The following PRKCZ variants were observed in gnomAD, a reference collection of about 807,000 sequenced individuals.
The protein encoded by PRKCZ is protein kinase C zeta type.
In PRKCZ, 33 loss-of-function variants were observed where a neutral mutation model predicts 79.5. The ratio of observed to expected loss-of-function variants is 0.41; its 90% CI spans 0.31 to 0.55. PRKCZ has a LOEUF of 0.55. Ranked by LOEUF, PRKCZ falls within the 20% of genes least tolerant of loss-of-function variation. PRKCZ has a pLI of 0.19. For missense variants in PRKCZ, 578 were observed against 813.5 expected (o/e 0.71, Z 3.52); for synonymous variants, 342 against 320.9 (o/e 1.07, Z -0.70).
At chr1:2,088,351 A>T (rs1406225612) in intron 4 of PRKCZ, among the ~76,000 whole-genome samples, 1 of 151,988 alleles carries the variant, frequency 6.6e-6, no homozygotes, top group African/African-American at 2.4e-5. Context: ...CTGCAGTCTC[A>T]GCTCGGAGGC....
At chr1:2,142,948 T>C (rs1677683143) in intron 5 of PRKCZ, 1 of 152,160 alleles carries the variant, frequency 6.6e-6, no homozygotes, top group African/African-American at 2.4e-5. Context: ...GTGAACTCAG[T>C]GCTGTATTTT....
At chr1:2,105,566 AT>A (rs1668248188) in intron 4 of PRKCZ, among the ~76,000 whole-genome samples, 1 of 151,946 alleles carries the variant, frequency 6.6e-6, no homozygotes, top group South Asian at 2.1e-4. Context: ...TGCGCAGCTA[AT>A]TTTTGTATTT....
chr1:2,059,415 G>T, intron 3 of PRKCZ, 126 bp from the exon 4 acceptor site: 3 of 1,135,772 alleles, frequency 2.6e-6, no homozygotes, highest in Non-Finnish European at 3.9e-6. Context: ...GGCTCTCATT[G>T]GCAGTGCCAC....
chr1:2,125,849 C>T lies in PRKCZ; in HGVS notation c.335-9413C>T, dbSNP rs919693388. 5.3e-5 allele frequency among the ~76,000 whole-genome samples: 8 copies of T among 152,212 alleles called. No homozygotes were observed. Among genetic ancestry groups the T allele is most frequent in the Non-Finnish European group, 8.8e-5 (6 of 68,022 alleles). On this transcript the variant is annotated intron_variant, in intron 4 of 17. Coordinates refer to ENST00000378567, the MANE Select transcript of PRKCZ (RefSeq NM_002744.6). The surrounding 1 kb of genome is among the most constrained non-coding windows in gnomAD (Gnocchi z 4.2). ...CTCCTCACGTCCATGCGGGGATTTG[C>T]GCCCTGGAAGGAGCCGCCCGGCTGC...
Position 2,174,930 on chromosome 1 carries a change from T to G in PRKCZ, c.1485+97T>G. On this transcript the variant is annotated intron_variant, in intron 15 of 17. Transcript: ENST00000378567. This position sits in a 1 kb window ranked among gnomAD's most constrained non-coding sequence, Gnocchi z 6.2. ...CTGTTGGCCATTTTTTCATGTCGGC[T>G]GCTGTGTATCGGGTGTGTGGGTTGA... The G allele has an allele frequency of 7.8e-7, 1 of 1,282,644 alleles. No individual in the cohort carries two copies. Among genetic ancestry groups the G allele is most frequent in the Non-Finnish European group, 1.1e-6 (1 of 889,678 alleles). The allele number at this position is 1,282,644 out of a possible 1,614,324, so 79.5% of individuals were successfully genotyped here.
intron 4 of PRKCZ, chr1:2,133,888 T>C (rs1675593679): frequency 6.6e-6 from 1 of 152,172 alleles, no homozygotes; most frequent in Admixed American, 6.5e-5. Flanking sequence ...TCTTCGTGGG[T>C]AGAGCCACAT....
At chr1:2,092,822 G>T (rs942164026) in intron 4 of PRKCZ, among the ~76,000 whole-genome samples, 18 of 152,328 alleles carry the variant, frequency 1.2e-4, no homozygotes, top group African/African-American at 4.3e-4. Flanking sequence ...GGGCCAGGTG[G>T]ACCCCTGCAG....
chr1:2,156,068 A>T lies in PRKCZ; in HGVS notation c.950A>T (p.His317Leu). The change falls in exon 10 of 18, where the codon CAC (histidine) becomes CTC (leucine). Residue 317 changes from histidine (H) to leucine (L), a missense_variant. By Grantham distance (99) the His-to-Leu change is moderately conservative (BLOSUM62 -3). Coordinates refer to ENST00000378567, the MANE Select transcript of PRKCZ (RefSeq NM_002744.6). ...ASSNPFLVGL[H>L]SCFQTTSRLF... ...AGCAACCCCTTCCTGGTCGGATTAC[A>T]CTCCTGCTTCCAGACGACAAGTCGG... 1 of 1,613,496 alleles carries T rather than the reference A, an allele frequency of 6.2e-7. No homozygotes were observed.
rs1264888863 is a variant in PRKCZ, at chr1:2,172,891, G to A, written c.1285+503G>A. ...GCAGCCGTGTGTGCGTGTGTGAAAC[G>A]GGGACGTGGGCACGCGTGTGCAGCC... On this transcript the variant is annotated intron_variant, in intron 13 of 17. Coordinates refer to ENST00000378567, the MANE Select transcript of PRKCZ (RefSeq NM_002744.6). This position sits in a 1 kb window ranked among gnomAD's most constrained non-coding sequence, Gnocchi z 7.8. 2.0e-5 allele frequency among the ~76,000 whole-genome samples: 3 copies of A among 151,914 alleles called. No individual in the cohort carries two copies. Among genetic ancestry groups the A allele is most frequent in the South Asian group, 2.1e-4 (1 of 4,818 alleles).
chr1:2,124,993 G>C (rs1384815650), intron 4 of PRKCZ, among the ~76,000 whole-genome samples: 1 of 152,226 alleles, frequency 6.6e-6, no homozygotes, highest in Non-Finnish European at 1.5e-5. Context: ...TCCTGGTTCT[G>C]AGTTATTGTG....
chr1:2,080,148 T>C (rs950148876), intron 4 of PRKCZ, among the ~76,000 whole-genome samples: 2 of 152,222 alleles, frequency 1.3e-5, no homozygotes, highest in African/African-American at 2.4e-5. Context: ...ACCCGGCCTG[T>C]CCTCCTCTTT....
chr1:2,103,117 G>A (rs1052528367), intron 4 of PRKCZ, among the ~76,000 whole-genome samples: 2 of 152,118 alleles, frequency 1.3e-5, no homozygotes, highest in African/African-American at 2.4e-5. Context: ...CTCCCACTTC[G>A]CCCGCCCAAA....
chr1:2,129,339 C>T (rs1027515954), intron 4 of PRKCZ, among the ~76,000 whole-genome samples: 5 of 152,156 alleles, frequency 3.3e-5, no homozygotes, highest in African/African-American at 4.8e-5. Context: ...CCAGTCCTAA[C>T]GGAGGGGCGT....
chr1:2,135,113 G>A (rs1050575556), intron 4 of PRKCZ, 149 bp from the exon 5 acceptor site: 10 of 611,550 alleles, frequency 1.6e-5, no homozygotes, highest in South Asian at 4.0e-5. Flanking sequence ...AGAGGCCTCC[G>A]GGAGGCCGTC....
chr1:2,126,263 A>G (rs1314413023), intron 4 of PRKCZ, among the ~76,000 whole-genome samples: 2 of 152,066 alleles, frequency 1.3e-5, no homozygotes, highest in African/African-American at 4.8e-5. Context: ...TTTCAGCTCA[A>G]AAACCAAAGT....
At chr1:2,102,438 T>C (rs1189813112) in intron 4 of PRKCZ, among the ~76,000 whole-genome samples, 5 of 151,842 alleles carry the variant, frequency 3.3e-5, no homozygotes, top group Non-Finnish European at 5.9e-5. Flanking sequence ...GTTCACACCA[T>C]TCTCCTGCCT....
At chr1:2,121,614 A>AAGG (rs1557612289) in intron 4 of PRKCZ, among the ~76,000 whole-genome samples, 1 of 112,264 alleles carries the variant, frequency 8.9e-6, no homozygotes, top group Non-Finnish European at 1.9e-5. Context: ...AATTAGGGTC[A>AAGG]TGGTGGTGGT....
intron 4 of PRKCZ, chr1:2,074,406 C>CT: frequency 2.3e-6 from 3 of 1,305,166 alleles, no homozygotes; most frequent in Non-Finnish European, 3.2e-6. Context: ...GGGAGTTTCA[C>CT]TGTGGCCGAT....
chr1:2,091,719 G>A (rs897896711), intron 4 of PRKCZ, among the ~76,000 whole-genome samples: 3 of 152,094 alleles, frequency 2.0e-5, no homozygotes, highest in South Asian at 4.1e-4. Flanking sequence ...CTGTGGTTGC[G>A]TTGTCCTGTG....
Sources: gnomAD v4.1 joint callset for allele counts (sites outside exome capture counted in the v4.1 genomes callset) on GRCh38, gnomAD v4.1.1 for gene constraint, Gnocchi (gnomAD v3.1) non-coding constraint, MANE v1.5 for transcripts, NCBI Gene and HGNC (gene_info 2026-07-23, HGNC 2026-07-21) for gene names.